ZNRF1: variants seen among roughly 807,000 people sequenced by gnomAD.
The protein encoded by ZNRF1 is E3 ubiquitin-protein ligase ZNRF1.
Under a neutral mutation model 18.4 loss-of-function variants are expected in ZNRF1, and 3 were observed. The observed-to-expected ratio is 0.16, with a 90% confidence interval of 0.07 to 0.42. The LOEUF (loss-of-function observed/expected upper bound fraction) is 0.42, where lower values mean the gene tolerates loss of function less well. Ranked by LOEUF, ZNRF1 falls within the 10% of genes least tolerant of loss-of-function variation. ZNRF1 has a pLI of 0.99. For synonymous variants in ZNRF1, 157 were observed against 144.2 expected, an observed-to-expected ratio of 1.09 and a Z score of -0.64; for missense variants, 310 against 329.8, an observed-to-expected ratio of 0.94 and a Z score of 0.47.
At chr16:75,067,980 A>G (rs1039973590) in intron 1 of ZNRF1, among the ~76,000 whole-genome samples, 1 of 152,162 alleles carries the variant, frequency 6.6e-6, no homozygotes, top group Non-Finnish European at 1.5e-5. Flanking sequence ...TATCCTGCTT[A>G]ATGTGAATAT....
chr16:75,036,988 C>G (rs2035384249), intron 1 of ZNRF1, among the ~76,000 whole-genome samples: 1 of 152,176 alleles, frequency 6.6e-6, no homozygotes, highest in Non-Finnish European at 1.5e-5. Context: ...TGTGCCTGTT[C>G]TGTGCCAGGC....
Position 75,051,212 on chromosome 16 carries a change from AT to A in ZNRF1, c.425-42349del, listed in dbSNP as rs897514004. The stretch of plus-strand genomic sequence containing the variant: ...CTACTACCCACCTCCAAATACATCT[AT>A]TTTTTTTTTTCTGAGACGGAGTCTC... On this transcript the variant is annotated intron_variant, in intron 1 of 4. Transcript: ENST00000335325. Among the ~76,000 whole-genome samples the A allele has an allele frequency of 7.7e-3, 1,121 of 145,202 alleles. 9 individuals carry two copies. Among genetic ancestry groups the A allele is most frequent in the African/African-American group, 0.027 (1,059 of 39,636 alleles).
At chr16:75,006,805 C>T (rs996827950) in intron 1 of ZNRF1, among the ~76,000 whole-genome samples, 2 of 152,114 alleles carry the variant, frequency 1.3e-5, no homozygotes, top group African/African-American at 4.8e-5. Context: ...TTCTCATGGC[C>T]TAGTCTGAAT....
Position 75,108,324 on chromosome 16 carries a change from T to G in ZNRF1, c.*624T>G. The G allele has an allele frequency of 5.5e-6, 2 of 361,172 alleles. No individual in the cohort carries two copies. The highest frequency in any genetic ancestry group is 9.8e-6 in the Non-Finnish European group (2 of 204,560). 22.4% of individuals were successfully genotyped at this position (361,172 alleles called of 1,614,324 possible). A position where few individuals can be genotyped will look rare whatever the true frequency, so the allele number is the denominator to read the frequency against. ...CCAAAAAACAACCCATTGAGAACTT[T>G]CTTCCTACTGATCCCATCTCTTTTC... On this transcript the variant is annotated 3_prime_UTR_variant, in exon 5 of 5. Coordinates refer to ENST00000335325, the MANE Select transcript of ZNRF1 (RefSeq NM_032268.5).
At chr16:75,050,882 AAAAAAAC>A (rs1325639511) in intron 1 of ZNRF1, among the ~76,000 whole-genome samples, 3 of 119,348 alleles carry the variant, frequency 2.5e-5, no homozygotes, top group Admixed American at 8.3e-5. Flanking sequence ...AAAAAAAAAA[AAAAAAAC>A]AAAAAAAAAC....
chr16:75,042,439 CTTTCTTTTTTTTTTTTTTTT>C (rs1350603272), intron 1 of ZNRF1, among the ~76,000 whole-genome samples: 1 of 84,846 alleles, frequency 1.2e-5, no homozygotes, highest in East Asian at 4.6e-4. Context: ...GTGTCTGTTT[CTTTCTTTTTTTTTTTTTTTT>C]TTTGTAAACA....
At chr16:75,048,838 C>G (rs184889358) in intron 1 of ZNRF1, among the ~76,000 whole-genome samples, 12 of 152,212 alleles carry the variant, frequency 7.9e-5, no homozygotes, top group Admixed American at 7.8e-4. Context: ...TCCCAGTAAC[C>G]TTTGACCGGT....
At chr16:75,025,985 C>T (rs948312727) in intron 1 of ZNRF1, among the ~76,000 whole-genome samples, 8 of 152,114 alleles carry the variant, frequency 5.3e-5, no homozygotes, top group Non-Finnish European at 7.4e-5. Context: ...CAACAGAAAC[C>T]GTTAAATAGG....
chr16:75,070,085 A>G (rs1166224728), intron 1 of ZNRF1, among the ~76,000 whole-genome samples: 1 of 152,216 alleles, frequency 6.6e-6, no homozygotes, highest in African/African-American at 2.4e-5. Flanking sequence ...CAGGCAGAAA[A>G]TATAAGGGGA....
chr16:75,102,477 G>A (rs1161237114), intron 2 of ZNRF1, among the ~76,000 whole-genome samples: 1 of 152,188 alleles, frequency 6.6e-6, no homozygotes, highest in Non-Finnish European at 1.5e-5. Context: ...GACGGAGAAG[G>A]GATCCTGCCA....
intron 2 of ZNRF1, among the ~76,000 whole-genome samples, chr16:75,096,639 C>T (rs2036203541): frequency 6.6e-6 from 1 of 152,140 alleles, no homozygotes; most frequent in Admixed American, 6.5e-5. Flanking sequence ...GAAGACTTCC[C>T]ATTTACACAC....
chr16:75,100,121 C>T (rs966724234), intron 2 of ZNRF1, among the ~76,000 whole-genome samples: 2 of 152,200 alleles, frequency 1.3e-5, no homozygotes, highest in African/African-American at 4.8e-5. Flanking sequence ...CTCCAGGTGG[C>T]CTTTTGCAGC....
At chr16:75,027,010 C>T (rs1296438662) in intron 1 of ZNRF1, among the ~76,000 whole-genome samples, 2 of 152,154 alleles carry the variant, frequency 1.3e-5, no homozygotes, top group Non-Finnish European at 2.9e-5. Flanking sequence ...ATTATTGAAT[C>T]CTCACCCCTT....
chr16:75,028,745 C>A (rs2035258129), intron 1 of ZNRF1, among the ~76,000 whole-genome samples: 1 of 152,232 alleles, frequency 6.6e-6, no homozygotes, highest in African/African-American at 2.4e-5. Flanking sequence ...CACTGAGGAC[C>A]TTTGTACTGC....
At chr16:75,039,087 G>A (rs888144021) in intron 1 of ZNRF1, among the ~76,000 whole-genome samples, 2 of 152,114 alleles carry the variant, frequency 1.3e-5, no homozygotes, top group Admixed American at 6.5e-5. Context: ...GCTGTTCTCA[G>A]TGCCTATCAG....
intron 1 of ZNRF1, among the ~76,000 whole-genome samples, chr16:75,017,569 T>G (rs574909956): frequency 6.6e-6 from 1 of 152,152 alleles, no homozygotes; most frequent in Non-Finnish European, 1.5e-5. Context: ...GTTTAAGAAA[T>G]CTATATTGAT....
intron 1 of ZNRF1, among the ~76,000 whole-genome samples, chr16:75,075,382 C>G (rs771319296): frequency 6.6e-6 from 1 of 152,360 alleles, no homozygotes; most frequent in South Asian, 2.1e-4. Flanking sequence ...GCGGGTTGGG[C>G]AGGAAGCAGC....
intron 1 of ZNRF1, among the ~76,000 whole-genome samples, chr16:75,060,640 C>T (rs1422178347): frequency 6.6e-6 from 1 of 151,832 alleles, no homozygotes; most frequent in Non-Finnish European, 1.5e-5. Flanking sequence ...CCCTGCCTTG[C>T]TAATTTTTGT....
At chr16:75,028,260 C>G (rs1410868517) in intron 1 of ZNRF1, among the ~76,000 whole-genome samples, 3 of 152,162 alleles carry the variant, frequency 2.0e-5, no homozygotes, top group Non-Finnish European at 2.9e-5. Context: ...ATTCTACTTC[C>G]CCTACAGATA....
Sources: allele counts gnomAD v4.1 joint callset (sites outside exome capture counted in the v4.1 genomes callset), GRCh38; gene constraint gnomAD v4.1.1; transcripts MANE v1.5; gene names NCBI Gene and HGNC (gene_info 2026-07-23, HGNC 2026-07-21).